Variants in VPS13A observed in about 807,000 individuals in gnomAD.
VPS13A encodes the protein vacuolar protein sorting 13 homolog A, also known as intermembrane lipid transfer protein VPS13A.
VPS13A carries 264 observed loss-of-function variants against 390.9 expected under a neutral mutation model. The ratio of observed to expected loss-of-function variants is 0.68; its 90% CI spans 0.61 to 0.75. VPS13A has a LOEUF of 0.75. Among genes scored for constraint, VPS13A ranks in the 30% least tolerant of loss-of-function variants. The pLI, the probability that VPS13A is intolerant of heterozygous loss-of-function variation, is 0.00. For missense variants in VPS13A, 3,409 were observed against 3,733.9 expected, an observed-to-expected ratio of 0.91 and a Z score of 2.27; for synonymous variants, 1,231 against 1,227.1, an observed-to-expected ratio of 1.00 and a Z score of -0.07.
chr9:77,359,675 A>T (rs922603007), intron 58 of VPS13A, among the ~76,000 whole-genome samples: 1 of 151,970 alleles, frequency 6.6e-6, no homozygotes, highest in African/African-American at 2.4e-5. Context: ...AAAATTAGCC[A>T]GGCGTGGTGG....
intron 13 of VPS13A, 71 bp from the exon 14 acceptor site, chr9:77,225,855 G>A: frequency 8.4e-7 from 1 of 1,197,410 alleles, no homozygotes; most frequent in Non-Finnish European, 1.2e-6. Flanking sequence ...CCATTTGATA[G>A]ATTATGTGCT....
At chr9:77,295,212 C>G (rs747637730) in intron 32 of VPS13A, among the ~76,000 whole-genome samples, 1 of 151,896 alleles carries the variant, frequency 6.6e-6, no homozygotes, top group Non-Finnish European at 1.5e-5. Flanking sequence ...TAAATAAGCT[C>G]TCTGTCCACT....
intron 26 of VPS13A, among the ~76,000 whole-genome samples, chr9:77,276,644 A>G: frequency 6.6e-6 from 1 of 152,254 alleles, no homozygotes; most frequent in African/African-American, 2.4e-5. Context: ...AGGAGGCTCT[A>G]GAGGAGGGTC....
At chr9:77,221,797 A>G (rs1269804699) in intron 13 of VPS13A, among the ~76,000 whole-genome samples, 1 of 152,100 alleles carries the variant, frequency 6.6e-6, no homozygotes, top group African/African-American at 2.4e-5. Context: ...GCCTATGCTC[A>G]TAAATGCTAC....
At position 77,228,246 on chromosome 9, in the gene VPS13A, C is replaced by A; in HGVS notation, c.1577C>A (p.Pro526Gln). Residue 526 changes from proline to glutamine, a missense_variant, in exon 17 of 72, where the codon CCA (proline) becomes CAA (glutamine). Transcript: ENST00000360280. The stretch of plus-strand genomic sequence containing the variant: ...TTTAGCACCTTAATTGTGCAAAGAC[C>A]AGGAGCACAAGCAATAAAGTAAGTA... Reference protein sequence around the residue: ...EEFSTLIVQRPGAQAIKFETK... With the variant: ...EEFSTLIVQRQGAQAIKFETK... The A allele has an allele frequency of 6.3e-7, 1 of 1,598,974 alleles. No individual in the cohort carries two copies.
chr9:77,220,182 G>A lies in VPS13A; in HGVS notation c.883-95G>A, dbSNP rs974816900. ...CTAAAATTCATGATGTTATATGGTAGCATTTCCCTAAAAAGTCAGTAATGT... is the reference window on the plus strand; with the variant it reads ...CTAAAATTCATGATGTTATATGGTAACATTTCCCTAAAAAGTCAGTAATGT... On this transcript the variant is annotated intron_variant, in intron 11 of 71. Coordinates refer to ENST00000360280, the MANE Select transcript of VPS13A (RefSeq NM_033305.3). 5 of 1,510,274 alleles carry A rather than the reference G, an allele frequency of 3.3e-6. No homozygotes were observed. The African/African-American group carries it at 4.2e-5, about 13-fold the overall frequency. The allele number at this position is 1,510,274 out of a possible 1,614,324, so 93.6% of individuals were successfully genotyped here.
chr9:77,369,815 T>A (rs770725137), intron 63 of VPS13A, among the ~76,000 whole-genome samples: 1 of 152,194 alleles, frequency 6.6e-6, no homozygotes, highest in Non-Finnish European at 1.5e-5. Flanking sequence ...CCCAAAAGAC[T>A]CCTACTTCCA....
chr9:77,351,788 G>GAA lies in VPS13A; in HGVS notation c.7419+343_7419+344dup, dbSNP rs1831483890. Among the ~76,000 whole-genome samples the GAA allele has an allele frequency of 3.3e-5, 5 of 152,200 alleles. No individual in the cohort carries two copies. The South Asian group carries it at 1.0e-3, about 32-fold the overall frequency. ...GGAGGCTGAGGCAGAAGAATCGCTT[G>GAA]AACCCGGGAGGCAGCGATTGCAGTG... On this transcript the variant is annotated intron_variant, in intron 53 of 71. Coordinates refer to ENST00000360280, the MANE Select transcript of VPS13A (RefSeq NM_033305.3).
At chr9:77,308,632 C>T (rs1828901341) in intron 35 of VPS13A, among the ~76,000 whole-genome samples, 1 of 152,136 alleles carries the variant, frequency 6.6e-6, no homozygotes, top group South Asian at 2.1e-4. Flanking sequence ...AAAGAGCCTT[C>T]ATCTAATGTT....
chr9:77,270,977 G>A (rs966779300), intron 23 of VPS13A, among the ~76,000 whole-genome samples: 12 of 152,084 alleles, frequency 7.9e-5, no homozygotes, highest in African/African-American at 2.9e-4. Context: ...GATATAAAAA[G>A]CGCAAATATA....
Position 77,228,353 on chromosome 9 carries a change from G to A in VPS13A, c.1595+89G>A, listed in dbSNP as rs892802928. On this transcript the variant is annotated intron_variant, in intron 17 of 71. Coordinates refer to ENST00000360280, the MANE Select transcript of VPS13A (RefSeq NM_033305.3). ...GGTCACAATCTTAGTCTTTTGTAAAGAGCACTATAGTTTCATATATCCTTT... is the reference window on the plus strand; with the variant it reads ...GGTCACAATCTTAGTCTTTTGTAAAAAGCACTATAGTTTCATATATCCTTT... 5.5e-6 allele frequency: 7 copies of A among 1,280,892 alleles called. No individual in the cohort carries two copies. In the African/African-American group the frequency reaches 6.1e-5, roughly 11 times the overall value. 79.3% of individuals were successfully genotyped at this position (1,280,892 alleles called of 1,614,324 possible).
intron 3 of VPS13A, among the ~76,000 whole-genome samples, chr9:77,203,405 C>G (rs1036782418): frequency 2.0e-5 from 3 of 152,138 alleles, no homozygotes; most frequent in African/African-American, 7.2e-5. Flanking sequence ...CCTCCCACCT[C>G]AGTCCCCGAG....
At chr9:77,284,540 A>T (rs906381474) in intron 31 of VPS13A, among the ~76,000 whole-genome samples, 6 of 152,088 alleles carry the variant, frequency 3.9e-5, no homozygotes, top group Non-Finnish European at 7.4e-5. Flanking sequence ...TATTGCTTTT[A>T]TTTTAAAAAT....
chr9:77,339,518 A>G lies in VPS13A; in HGVS notation c.6381A>G (p.Gly2127=). The change falls in exon 48 of 72, where the codon GGA becomes GGG. Residue 2127 remains glycine (G), a splice_region_variant and synonymous_variant. Transcript: ENST00000360280. ...LPYKIAYYIE[G]IENSVFTLSE... ...TGTTTTTTTTTTTTTTATTACAGGG[A>G]ATTGAAAATTCGGTTTTTACTCTAA... 3 of 1,533,598 alleles carry G rather than the reference A, an allele frequency of 2.0e-6. No homozygotes were observed. Among genetic ancestry groups the G allele is most frequent in the Non-Finnish European group, 2.6e-6 (3 of 1,139,896 alleles). The allele number at this position is 1,533,598 out of a possible 1,614,324, so 95.0% of individuals were successfully genotyped here.
chr9:77,306,540 C>G (rs996332389), intron 34 of VPS13A, among the ~76,000 whole-genome samples: 6 of 151,454 alleles, frequency 4.0e-5, no homozygotes, highest in Non-Finnish European at 7.4e-5. Context: ...ACAGGGTAGG[C>G]CAGCAGGAAG....
intron 48 of VPS13A, 103 bp downstream of exon 48, chr9:77,340,014 A>G: frequency 6.8e-7 from 1 of 1,464,796 alleles, no homozygotes; most frequent in Non-Finnish European, 9.3e-7. Flanking sequence ...GATAGAAATA[A>G]CTTGTTAAAT....
chr9:77,366,230 C>T (rs1479038410), intron 60 of VPS13A, among the ~76,000 whole-genome samples: 2 of 152,044 alleles, frequency 1.3e-5, no homozygotes, highest in African/African-American at 4.8e-5. Context: ...ATGCTCAAAA[C>T]AGCTGGGCAA....
At chr9:77,322,325 T>C (rs1285891014) in intron 44 of VPS13A, among the ~76,000 whole-genome samples, 1 of 151,878 alleles carries the variant, frequency 6.6e-6, no homozygotes, top group African/African-American at 2.4e-5. Flanking sequence ...TATGTAGTCA[T>C]TGTGAAGTTA....
rs965921074 is a variant in VPS13A at position 77,337,539 on chromosome 9, T to G, written c.6378+2T>G. Reference sequence around the variant, plus strand: ...TACAAAATTGCTTATTATATAGAGGTATCGGCAAACTGATTTAGTGCCTTC... The same window carrying G: ...TACAAAATTGCTTATTATATAGAGGGATCGGCAAACTGATTTAGTGCCTTC... On this transcript the variant is annotated splice_donor_variant, in intron 47 of 71. Coordinates refer to ENST00000360280, the MANE Select transcript of VPS13A (RefSeq NM_033305.3). LOFTEE classifies it high-confidence loss of function. The G allele has an allele frequency of 1.2e-6, 2 of 1,609,190 alleles. No homozygotes were observed. The highest frequency in any genetic ancestry group is 8.5e-7 in the Non-Finnish European group (1 of 1,177,586).
Sources: gnomAD v4.1 joint callset for allele counts (sites outside exome capture counted in the v4.1 genomes callset) on GRCh38, gnomAD v4.1.1 for gene constraint, MANE v1.5 for transcripts, NCBI Gene and HGNC (gene_info 2026-07-23, HGNC 2026-07-21) for gene names.